Variants in KDM4C observed in about 807,000 individuals in gnomAD.
KDM4C encodes the protein lysine demethylase 4C.
A neutral mutation model predicts 129.3 loss-of-function variants in KDM4C; 81 were observed. The ratio of observed to expected loss-of-function variants is 0.63; its 90% confidence interval spans 0.52 to 0.75. KDM4C has a LOEUF of 0.75. Ranked by LOEUF, KDM4C falls within the 30% of genes least tolerant of loss-of-function variation. The probability of loss-of-function intolerance (pLI) is 0.00; values close to 1 mark genes in which losing one functional copy is unlikely to be tolerated. For missense variants in KDM4C, 1,457 were observed against 1,304.0 expected, an observed-to-expected ratio of 1.12 and a Z score of -1.81; for synonymous variants, 573 against 456.1, an observed-to-expected ratio of 1.26 and a Z score of -3.26.
intron 17 of KDM4C, among the ~76,000 whole-genome samples, chr9:7,089,334 C>T (rs1835516983): frequency 6.6e-6 from 1 of 152,132 alleles, no homozygotes; most frequent in South Asian, 2.1e-4. Flanking sequence ...ACCATAGTGG[C>T]ACACAACTTT....
At chr9:7,114,434 A>T (rs1838668822) in intron 18 of KDM4C, among the ~76,000 whole-genome samples, 1 of 152,216 alleles carries the variant, frequency 6.6e-6, no homozygotes, top group African/African-American at 2.4e-5. Flanking sequence ...GGGAATTAGC[A>T]CCTATTTAGT....
At chr9:6,790,678 AAAAAG>A (rs1186280213) in intron 1 of KDM4C, among the ~76,000 whole-genome samples, 5 of 147,164 alleles carry the variant, frequency 3.4e-5, no homozygotes, top group Non-Finnish European at 7.6e-5. Context: ...AAAAAAAAAA[AAAAAG>A]AGGAAAACTT....
At chr9:6,766,592 C>T (rs1220545068) in intron 1 of KDM4C, among the ~76,000 whole-genome samples, 2 of 151,876 alleles carry the variant, frequency 1.3e-5, no homozygotes, top group Non-Finnish European at 2.9e-5. Context: ...CTAATGTCTT[C>T]AGTGTGGTTC....
At chr9:7,033,044 G>A (rs999641279) in intron 15 of KDM4C, among the ~76,000 whole-genome samples, 1 of 152,120 alleles carries the variant, frequency 6.6e-6, no homozygotes. Context: ...CTCTGAAGCG[G>A]CTTTGTAGAT....
chr9:6,893,644 A>G (rs893120759), intron 8 of KDM4C: 5 of 153,506 alleles, frequency 3.3e-5, no homozygotes, highest in Non-Finnish European at 5.8e-5. Context: ...AAATTGTAGC[A>G]AGAGATGGAG....
Position 7,153,391 on chromosome 9 carries a change from C to G in KDM4C, c.2782-11847C>G, listed in dbSNP as rs377381929. Among the ~76,000 whole-genome samples, 20 of 152,340 alleles carry G rather than the reference C, an allele frequency of 1.3e-4. No individual in the cohort carries two copies. In the East Asian group the frequency reaches 2.9e-3, roughly 22 times the overall value. On this transcript the variant is annotated intron_variant, in intron 19 of 21. Transcript: ENST00000381309. ...CTAAGAGCTGGCCATTCCTCCGGTGCTTGGTGACTTTATTGTCTGGAATAC... is the reference window on the plus strand; with the variant it reads ...CTAAGAGCTGGCCATTCCTCCGGTGGTTGGTGACTTTATTGTCTGGAATAC...
intron 1 of KDM4C, among the ~76,000 whole-genome samples, chr9:6,762,825 A>G (rs1488090051): frequency 6.6e-6 from 1 of 151,594 alleles, no homozygotes; most frequent in African/African-American, 2.4e-5. Flanking sequence ...CGCCCAGCTA[A>G]TTTTTGTATT....
chr9:7,147,209 G>A (rs1400060309), intron 19 of KDM4C, among the ~76,000 whole-genome samples: 1 of 152,206 alleles, frequency 6.6e-6, no homozygotes, highest in African/African-American at 2.4e-5. Context: ...TTCTTTGACT[G>A]TGAGTGGCCT....
At chr9:6,992,047 A>G (rs1388580408) in intron 12 of KDM4C, among the ~76,000 whole-genome samples, 1 of 151,630 alleles carries the variant, frequency 6.6e-6, no homozygotes, top group Non-Finnish European at 1.5e-5. Flanking sequence ...TATTATACCC[A>G]GTACAAACCA....
At chr9:6,866,101 T>C (rs951147503) in intron 5 of KDM4C, among the ~76,000 whole-genome samples, 1 of 151,710 alleles carries the variant, frequency 6.6e-6, no homozygotes. Context: ...AACAGGCTGG[T>C]CTCGGACTCC....
intron 19 of KDM4C, among the ~76,000 whole-genome samples, chr9:7,131,669 C>G (rs1444628154): frequency 1.3e-5 from 2 of 152,166 alleles, no homozygotes; most frequent in Non-Finnish European, 2.9e-5. Flanking sequence ...CATCCCACTT[C>G]CACTTTTGAT....
intron 1 of KDM4C, among the ~76,000 whole-genome samples, chr9:6,767,875 C>T (rs757540880): frequency 8.6e-5 from 13 of 151,894 alleles, no homozygotes; most frequent in Non-Finnish European, 1.8e-4. Context: ...AGAATCTGGC[C>T]CTGAGATAGG....
At chr9:7,088,678 C>T (rs1027052819) in intron 17 of KDM4C, among the ~76,000 whole-genome samples, 1 of 151,976 alleles carries the variant, frequency 6.6e-6, no homozygotes, top group African/African-American at 2.4e-5. Context: ...TCCTGTATTC[C>T]GTATGTGAGA....
chr9:6,839,673 G>A (rs111360729), intron 4 of KDM4C, among the ~76,000 whole-genome samples: 8,089 of 152,114 alleles, frequency 0.053, 285 homozygotes, highest in East Asian at 0.14. Flanking sequence ...TTTGGAGGCC[G>A]AGGCAGGAGG....
chr9:7,149,227 C>G (rs1194162307), intron 19 of KDM4C, among the ~76,000 whole-genome samples: 1 of 152,254 alleles, frequency 6.6e-6, no homozygotes, highest in African/African-American at 2.4e-5. Context: ...TGTGTTAGTG[C>G]CATCCTGAGC....
intron 17 of KDM4C, among the ~76,000 whole-genome samples, chr9:7,060,034 C>T (rs570264002): frequency 6.6e-6 from 1 of 152,232 alleles, no homozygotes; most frequent in South Asian, 2.1e-4. Context: ...AGAGGATCCC[C>T]TCATAATATA....
intron 8 of KDM4C, among the ~76,000 whole-genome samples, chr9:6,920,613 T>C (rs1278905358): frequency 2.0e-5 from 3 of 151,796 alleles, no homozygotes; most frequent in South Asian, 2.1e-4. Flanking sequence ...CCTGACAAAA[T>C]AGGTTATTGG....
chr9:6,856,654 C>T lies in KDM4C; in HGVS notation c.629+6954C>T, dbSNP rs572073437. Among the ~76,000 whole-genome samples the T allele has an allele frequency of 2.0e-5, 3 of 151,342 alleles. No individual in the cohort carries two copies. In the East Asian group the frequency reaches 5.8e-4, roughly 29 times the overall value. ...GTGTTGCGATGATGGCTAACTGCAG[C>T]CACAACCTCCTGGGCTCAAGTGATC... is the stretch of plus-strand genomic sequence containing the variant. On this transcript the variant is annotated intron_variant, in intron 5 of 21. Transcript: ENST00000381309.
chr9:6,782,206 G>A (rs1214906837), intron 1 of KDM4C, among the ~76,000 whole-genome samples: 3 of 152,288 alleles, frequency 2.0e-5, no homozygotes, highest in African/African-American at 7.2e-5. Flanking sequence ...GTGGAGTGCC[G>A]AGAGCATTTA....
Sources: gnomAD v4.1 joint callset for allele counts (sites outside exome capture counted in the v4.1 genomes callset) on GRCh38, gnomAD v4.1.1 for gene constraint, MANE v1.5 for transcripts, NCBI Gene and HGNC (gene_info 2026-07-23, HGNC 2026-07-21) for gene names.